Variants in RARB observed in about 807,000 individuals in gnomAD.
RARB encodes retinoic acid receptor beta.
In RARB, 17 loss-of-function variants were observed where a neutral mutation model predicts 51.9. That is an observed-to-expected ratio of 0.33 (90% CI 0.22 to 0.49). The LOEUF (loss-of-function observed/expected upper bound fraction) is 0.49. Ranked by LOEUF, RARB falls within the 20% of genes least tolerant of loss-of-function variation. RARB has a pLI of 0.99. For synonymous variants in RARB, 215 were observed against 195.4 expected (o/e 1.10, Z -0.84); for missense variants, 369 against 550.8 (o/e 0.67, Z 3.30).
chr3:24,980,972 T>A (rs1696653073), intron 2 of RARB, among the ~76,000 whole-genome samples: 1 of 152,204 alleles, frequency 6.6e-6, no homozygotes, highest in South Asian at 2.1e-4. Flanking sequence ...TTTTTGTTGA[T>A]GCTGATGCTA....
At chr3:25,346,720 G>C (rs1481341156) in intron 5 of RARB, among the ~76,000 whole-genome samples, 2 of 152,184 alleles carry the variant, frequency 1.3e-5, no homozygotes, top group Admixed American at 1.3e-4. Context: ...TTTGGACAAG[G>C]CTGTTTGAGG....
At chr3:24,976,171 G>T (rs938160109) in intron 2 of RARB, among the ~76,000 whole-genome samples, 2 of 152,074 alleles carry the variant, frequency 1.3e-5, no homozygotes, top group South Asian at 2.1e-4. Context: ...GTCTATTATT[G>T]ATGGACATTT....
intron 2 of RARB, among the ~76,000 whole-genome samples, chr3:24,898,880 T>G (rs1394438878): frequency 6.6e-6 from 1 of 152,172 alleles, no homozygotes; most frequent in Non-Finnish European, 1.5e-5. Context: ...AATCCACTTT[T>G]TGGAAGGGTT....
At chr3:25,314,293 G>C (rs921545449) in intron 5 of RARB, among the ~76,000 whole-genome samples, 1 of 152,058 alleles carries the variant, frequency 6.6e-6, no homozygotes, top group Admixed American at 6.6e-5. Flanking sequence ...TATAGGAAAA[G>C]CAGAAATATA....
intron 1 of RARB, among the ~76,000 whole-genome samples, chr3:24,829,844 G>A (rs1702256231): frequency 6.6e-6 from 1 of 152,238 alleles, no homozygotes; most frequent in Non-Finnish European, 1.5e-5. Context: ...GCGCTGTCCT[G>A]CGCACCTTAG....
At chr3:25,181,476 G>A (rs898224796) in intron 5 of RARB, among the ~76,000 whole-genome samples, 14 of 152,144 alleles carry the variant, frequency 9.2e-5, no homozygotes, top group African/African-American at 2.7e-4. Context: ...ATTTGTAGAT[G>A]TGCTTTTGAG....
At chr3:25,241,150 A>G (rs551291578) in intron 5 of RARB, among the ~76,000 whole-genome samples, 3 of 152,162 alleles carry the variant, frequency 2.0e-5, no homozygotes, top group Admixed American at 6.5e-5. Flanking sequence ...GACCTTCTCC[A>G]TTTCTGTGGT....
intron 5 of RARB, among the ~76,000 whole-genome samples, chr3:25,295,523 T>C (rs1170310414): frequency 2.6e-5 from 4 of 152,208 alleles, no homozygotes; most frequent in African/African-American, 9.6e-5. Flanking sequence ...CTAAGGTATT[T>C]TGTTATAGCA....
intron 1 of RARB, among the ~76,000 whole-genome samples, chr3:24,830,664 GGTGT>G (rs142061113): frequency 7.2e-6 from 1 of 139,822 alleles, no homozygotes. Flanking sequence ...CAGAGTGTGG[GGTGT>G]GTGTGTGTGT....
At chr3:25,453,823 C>A (rs1412757192) in intron 1 of RARB, among the ~76,000 whole-genome samples, 1 of 152,160 alleles carries the variant, frequency 6.6e-6, no homozygotes, top group African/African-American at 2.4e-5. Flanking sequence ...TGCCAAAGCC[C>A]AACAATGATA....
At chr3:25,123,394 CTCT>C in intron 3 of RARB, among the ~76,000 whole-genome samples, 1 of 152,286 alleles carries the variant, frequency 6.6e-6, no homozygotes, top group East Asian at 1.9e-4. Context: ...TGGGCTTCTC[CTCT>C]ATTTGTGCCC....
chr3:25,378,558 G>C (rs754081039), intron 5 of RARB, among the ~76,000 whole-genome samples: 1 of 152,182 alleles, frequency 6.6e-6, no homozygotes, highest in African/African-American at 2.4e-5. Flanking sequence ...AAGATTGAGA[G>C]AGAAACCTAC....
At chr3:25,347,683 G>A (rs780850263) in intron 5 of RARB, among the ~76,000 whole-genome samples, 13 of 152,174 alleles carry the variant, frequency 8.5e-5, no homozygotes, top group East Asian at 1.9e-4. Flanking sequence ...CAAAGGGCCC[G>A]AAAGCTCATG....
chr3:25,405,596 C>CTAGATCTG (rs1353567956), intron 5 of RARB, among the ~76,000 whole-genome samples: 1 of 152,184 alleles, frequency 6.6e-6, no homozygotes, highest in Non-Finnish European at 1.5e-5. Context: ...AGTAAACACT[C>CTAGATCTG]TAGATCTGTG....
In RARB at chr3:25,585,865, C is replaced by G. The variant is rs78099871; in HGVS notation, c.786+5143C>G. On this transcript the variant is annotated intron_variant, in intron 5 of 7. Transcript: ENST00000330688. The stretch of plus-strand genomic sequence containing the variant: ...GTCGCGCAGCTAGTAAACAGTGGAG[C>G]CAGATGTTGAACCCAGGCAAGCTGC... Among the ~76,000 whole-genome samples the G allele has an allele frequency of 4.6e-4, 70 of 152,284 alleles. 1 individual carries two copies. The East Asian group carries it at 0.013, about 29-fold the overall frequency.
chr3:25,464,758 C>A (rs1268566755), intron 2 of RARB, among the ~76,000 whole-genome samples: 1 of 151,992 alleles, frequency 6.6e-6, no homozygotes, highest in Non-Finnish European at 1.5e-5. Flanking sequence ...CATTATTCTA[C>A]CCTGGGAGGG....
intron 3 of RARB, among the ~76,000 whole-genome samples, chr3:25,514,540 A>G (rs2125624726): frequency 6.6e-6 from 1 of 152,330 alleles, no homozygotes; most frequent in South Asian, 2.1e-4. Context: ...TTCATTTTCA[A>G]AATGATTTTA....
chr3:25,078,534 A>ATTTTTT (rs56349106), intron 3 of RARB, among the ~76,000 whole-genome samples: 3 of 141,292 alleles, frequency 2.1e-5, no homozygotes, highest in Non-Finnish European at 1.5e-5. Context: ...CCAACTTTCT[A>ATTTTTT]TTTTTTTTTT....
intron 3 of RARB, among the ~76,000 whole-genome samples, chr3:25,127,045 TC>T (rs1329428736): frequency 6.6e-6 from 1 of 152,110 alleles, no homozygotes; most frequent in Admixed American, 6.6e-5. Flanking sequence ...ACCACTCCAG[TC>T]AGGTCCATCA....
Sources: gnomAD v4.1 joint callset for allele counts (sites outside exome capture counted in the v4.1 genomes callset) on GRCh38, gnomAD v4.1.1 for gene constraint, MANE v1.5 for transcripts, NCBI Gene and HGNC (gene_info 2026-07-23, HGNC 2026-07-21) for gene names.